The following RRM1 variants were observed in gnomAD, a reference collection of about 807,000 sequenced individuals.
The protein encoded by RRM1 is ribonucleoside-diphosphate reductase large subunit.
A neutral mutation model predicts 101.5 loss-of-function variants in RRM1; 19 were observed. The observed-to-expected ratio is 0.19, with a 90% confidence interval of 0.13 to 0.27. RRM1 has a LOEUF of 0.27. Among genes scored for constraint, RRM1 ranks in the 10% least tolerant of loss-of-function variants. The pLI is 1.00. For missense variants in RRM1, 500 were observed against 962.9 expected, an observed-to-expected ratio of 0.52 and a Z score of 6.36; for synonymous variants, 298 against 323.4, an observed-to-expected ratio of 0.92 and a Z score of 0.84.
In RRM1 at chr11:4,138,313, A is replaced by G; in HGVS notation, c.2309A>G (p.Lys770Arg). Residue 770 changes from lysine to arginine, a missense_variant, in exon 19 of 19, where the codon AAG (lysine) becomes AGG (arginine). Physicochemically the swap from Lys to Arg is conservative, Grantham distance 26. This residue lies in a region of RRM1 where 33 missense variants were observed against 40.7 expected (regional missense o/e 0.81). Coordinates refer to ENST00000300738, the MANE Select transcript of RRM1 (RefSeq NM_001033.5). Reference protein sequence around the residue: ...KEKVSKEEEEKERNTAAMVCS... With the variant: ...KEKVSKEEEERERNTAAMVCS... ...AAGGTATCAAAAGAGGAAGAAGAGAAGGAGAGGAACACAGCAGCCATGGTG... is the reference window on the plus strand; with the variant it reads ...AAGGTATCAAAAGAGGAAGAAGAGAGGGAGAGGAACACAGCAGCCATGGTG... 1.2e-6 allele frequency: 2 copies of G among 1,613,136 alleles called. No homozygotes were observed. The highest frequency in any genetic ancestry group is 1.7e-6 in the Non-Finnish European group (2 of 1,179,500).
intron 7 of RRM1, among the ~76,000 whole-genome samples, chr11:4,113,249 C>G (rs556141987): frequency 1.4e-3 from 208 of 152,190 alleles, no homozygotes; most frequent in Non-Finnish European, 2.5e-3. Context: ...ATAATAAACA[C>G]TTTAGCAAAA....
Position 4,105,962 on chromosome 11 carries a change from C to T in RRM1, c.109-84C>T. 4 of 1,139,444 alleles carry T rather than the reference C, an allele frequency of 3.5e-6. No homozygotes were observed. In the South Asian group the frequency reaches 5.3e-5, roughly 15 times the overall value. The allele number at this position is 1,139,444 out of a possible 1,614,324, so 70.6% of individuals were successfully genotyped here. On this transcript the variant is annotated intron_variant, in intron 2 of 18. Coordinates refer to ENST00000300738, the MANE Select transcript of RRM1 (RefSeq NM_001033.5). Reference sequence around the variant, plus strand: ...TATAGGCATGTACTACCACACCTGGCCATGATGGTTTTCTTAATTACTCTT... The same window carrying T: ...TATAGGCATGTACTACCACACCTGGTCATGATGGTTTTCTTAATTACTCTT...
At chr11:4,119,679 T>C in intron 8 of RRM1, 166 bp from the exon 9 acceptor site, 3 of 595,216 alleles carry the variant, frequency 5.0e-6, no homozygotes, top group Non-Finnish European at 5.9e-6. Context: ...ATTTTGTTGA[T>C]TTTATTTGGG....
intron 7 of RRM1, 22 bp from the exon 8 acceptor site, chr11:4,118,298 T>A (rs2094576739): frequency 6.2e-7 from 1 of 1,607,846 alleles, no homozygotes; most frequent in Non-Finnish European, 8.5e-7. Flanking sequence ...TGCTCTAAGT[T>A]GAGACATTTT....
rs2094594654 is a variant in RRM1, at chr11:4,129,098, G to A, written c.1717G>A (p.Val573Ile). 5 of 1,600,520 alleles carry A rather than the reference G, an allele frequency of 3.1e-6. No individual in the cohort carries two copies. The highest frequency in any genetic ancestry group is 1.3e-5 in the African/African-American group (1 of 74,112). ...GATTCTTCAGTATGATATGTGGAATGTTACTCCTACAGACCTATGGGACTG... is the reference window on the plus strand; with the variant it reads ...GATTCTTCAGTATGATATGTGGAATATTACTCCTACAGACCTATGGGACTG... ...KGILQYDMWN[V>I]TPTDLWDWKV... The change falls in exon 15 of 19, where the codon GTT becomes ATT. Residue 573 changes from valine to isoleucine, a missense_variant. Val to Ile is a conservative substitution (Grantham distance 29). Coordinates refer to ENST00000300738, the MANE Select transcript of RRM1 (RefSeq NM_001033.5).
intron 12 of RRM1, 74 bp from the exon 13 acceptor site, chr11:4,126,610 C>T (rs1272091791): frequency 6.5e-6 from 9 of 1,385,134 alleles, no homozygotes; most frequent in African/African-American, 1.5e-5. Flanking sequence ...ATTAGAGGCT[C>T]ACATGGTGGT....
chr11:4,134,906 T>C (rs2094606384), intron 17 of RRM1, among the ~76,000 whole-genome samples, 176 bp from the exon 18 acceptor site: 1 of 152,240 alleles, frequency 6.6e-6, no homozygotes, highest in Admixed American at 6.5e-5. Context: ...GGGGTTTTGT[T>C]CAACTTTCTA....
chr11:4,133,292 T>G (rs957195910), intron 16 of RRM1, among the ~76,000 whole-genome samples: 1 of 152,184 alleles, frequency 6.6e-6, no homozygotes, highest in African/African-American at 2.4e-5. Context: ...TTCTCATGCC[T>G]CAGCCTCCTG....
chr11:4,100,243 C>G (rs910177319), intron 1 of RRM1, among the ~76,000 whole-genome samples: 4 of 152,182 alleles, frequency 2.6e-5, no homozygotes, highest in Non-Finnish European at 5.9e-5. Flanking sequence ...GAGAACTTGC[C>G]TTGTTCTAGG....
chr11:4,128,439 C>T (rs959240276), intron 14 of RRM1, among the ~76,000 whole-genome samples: 8 of 152,154 alleles, frequency 5.3e-5, no homozygotes, highest in African/African-American at 1.9e-4. Context: ...AACTCAGAAT[C>T]GGCTGATTTG....
At chr11:4,130,168 T>C (rs1215244970) in intron 15 of RRM1, among the ~76,000 whole-genome samples, 2 of 148,940 alleles carry the variant, frequency 1.3e-5, no homozygotes, top group Middle Eastern at 3.5e-3. Flanking sequence ...TCAAAATTAG[T>C]ATATGAACAC....
At chr11:4,103,438 G>T (rs555313907) in intron 2 of RRM1, among the ~76,000 whole-genome samples, 1 of 152,314 alleles carries the variant, frequency 6.6e-6, no homozygotes, top group East Asian at 1.9e-4. Context: ...TTAAGTTAGT[G>T]GGAGTGTAGG....
In RRM1 at chr11:4,123,226, C is replaced by G. The variant is rs752564293; in HGVS notation, c.1162C>G (p.Gln388Glu). Reference sequence around the variant, plus strand: ...TGTCCGCAAAGTTGTAAAAGCTCAGCAGCTTTGGTATGCCATCATTGAGTC... The same window carrying G: ...TGTCCGCAAAGTTGTAAAAGCTCAGGAGCTTTGGTATGCCATCATTGAGTC... ...GRVRKVVKAQ[Q>E]LWYAIIESQT... The change falls in exon 12 of 19, where the codon CAG (glutamine) becomes GAG (glutamate). Residue 388 changes from glutamine (Q) to glutamate (E), a missense_variant. Transcript: ENST00000300738. The G allele has an allele frequency of 6.2e-7, 1 of 1,614,034 alleles. No individual in the cohort carries two copies. The highest frequency in any genetic ancestry group is 1.1e-5 in the South Asian group (1 of 91,078).
At chr11:4,123,033 T>G (rs1183290047) in intron 11 of RRM1, 150 bp from the exon 12 acceptor site, 1 of 666,738 alleles carries the variant, frequency 1.5e-6, no homozygotes, top group Non-Finnish European at 2.5e-6. Context: ...TTAGCTAGAG[T>G]AAAATAAATA....
rs769342966 is a variant in RRM1, at chr11:4,123,172, G to T, written c.1119-11G>T. 25 of 1,607,292 alleles carry T rather than the reference G, an allele frequency of 1.6e-5. 1 individual carries two copies. The South Asian group carries it at 2.8e-4, about 18-fold the overall frequency. ...GAATATATATTAAATAATATTATCT[G>T]TGCCTTTCAGTTATGAGAAACAAGG... is the stretch of plus-strand genomic sequence containing the variant. On this transcript the variant is annotated splice_polypyrimidine_tract_variant and intron_variant, in intron 11 of 18. Coordinates refer to ENST00000300738, the MANE Select transcript of RRM1 (RefSeq NM_001033.5).
At chr11:4,120,484 C>T (rs930179517) in intron 9 of RRM1, among the ~76,000 whole-genome samples, 5 of 151,986 alleles carry the variant, frequency 3.3e-5, no homozygotes, top group African/African-American at 1.2e-4. Flanking sequence ...CTGCCTCAGC[C>T]CTCCCATGTA....
intron 10 of RRM1, 152 bp downstream of exon 10, chr11:4,121,917 T>G: frequency 1.3e-6 from 1 of 775,954 alleles, no homozygotes; most frequent in Non-Finnish European, 2.0e-6. Flanking sequence ...GCTTGTCTTC[T>G]TATATTTCTA....
At chr11:4,133,784 T>A (rs1161718083) in intron 17 of RRM1, 126 bp downstream of exon 17, 1 of 568,180 alleles carries the variant, frequency 1.8e-6, no homozygotes, top group Non-Finnish European at 3.1e-6. Flanking sequence ...TGTGTAGCTC[T>A]GTTCACCTCT....
chr11:4,113,658 A>T (rs2094568524), intron 7 of RRM1, among the ~76,000 whole-genome samples: 1 of 152,212 alleles, frequency 6.6e-6, no homozygotes, highest in South Asian at 2.1e-4. Flanking sequence ...CAGTATACTT[A>T]GGTAAGCCTA....
Sources: allele counts gnomAD v4.1 joint callset (sites outside exome capture counted in the v4.1 genomes callset), GRCh38; gene constraint gnomAD v4.1.1; regional missense constraint gnomAD v4.1.1; transcripts MANE v1.5; gene names NCBI Gene and HGNC (gene_info 2026-07-23, HGNC 2026-07-21).